DDX31: variants seen among roughly 807,000 people sequenced by gnomAD.
The protein encoded by DDX31 is ATP-dependent DNA helicase DDX31.
Under a neutral mutation model 91.3 loss-of-function variants are expected in DDX31, and 70 were observed. The ratio of observed to expected loss-of-function variants is 0.77; its 90% CI spans 0.63 to 0.94. DDX31 has a LOEUF of 0.94. DDX31 is among the 40% of genes least tolerant of loss of function. The pLI, the probability that DDX31 is intolerant of heterozygous loss-of-function variation, is 0.00. For synonymous variants in DDX31, 362 were observed against 350.6 expected (o/e 1.03, Z -0.36); for missense variants, 902 against 925.0 (o/e 0.98, Z 0.32).
chr9:132,651,805 C>T (rs1250530223), intron 7 of DDX31, among the ~76,000 whole-genome samples: 2 of 152,100 alleles, frequency 1.3e-5, no homozygotes, highest in Non-Finnish European at 2.9e-5. Flanking sequence ...AGCAAGTTTG[C>T]TGCTGTAAAA....
intron 15 of DDX31, among the ~76,000 whole-genome samples, chr9:132,631,469 A>AG (rs1832713607): frequency 1.3e-5 from 2 of 152,286 alleles, no homozygotes; most frequent in South Asian, 4.1e-4. Context: ...TGAATAAACC[A>AG]TGACTCACGT....
intron 8 of DDX31, 113 bp from the exon 9 acceptor site, chr9:132,650,411 A>C: frequency 6.3e-6 from 6 of 953,070 alleles, no homozygotes; most frequent in Non-Finnish European, 1.0e-5. Flanking sequence ...GGTGCTTCTC[A>C]TTGTATAAGG....
chr9:132,659,319 T>C (rs566939523), intron 5 of DDX31, among the ~76,000 whole-genome samples: 8 of 152,244 alleles, frequency 5.3e-5, no homozygotes, highest in African/African-American at 1.4e-4. Context: ...GCAGAAACAG[T>C]GTTCTGTCCT....
chr9:132,646,674 G>A (rs1833858816), intron 12 of DDX31, 149 bp downstream of exon 12: 1 of 686,980 alleles, frequency 1.5e-6, no homozygotes, highest in South Asian at 1.8e-5. Context: ...CTGACTGAAA[G>A]GATGTATATC....
Position 132,647,127 on chromosome 9 carries a change from C to A in DDX31, c.968-69G>T, listed in dbSNP as rs1590068984. 5.7e-6 allele frequency: 8 copies of A among 1,411,636 alleles called. No homozygotes were observed. In the Middle Eastern group the frequency reaches 7.0e-4, roughly 124 times the overall value. 87.4% of individuals were successfully genotyped at this position (1,411,636 alleles called of 1,614,324 possible). A position where few individuals can be genotyped will look rare whatever the true frequency, so the allele number is the denominator to read the frequency against. On this transcript the variant is annotated intron_variant, in intron 11 of 19. Coordinates refer to ENST00000372159, the MANE Select transcript of DDX31 (RefSeq NM_022779.9). ...ATGAAACTGGTCACAAAAGCGTACC[C>A]CCATACAGCACCCACCCATGTATGT...
rs764244904 is a variant in DDX31, at chr9:132,647,071, T to G, written c.968-13A>C. ...AGCCGCGTTACACCTTGGATAAAAG[T>G]AAGAAGGGCAAAGCAGACAACAAAC... On this transcript the variant is annotated splice_polypyrimidine_tract_variant and intron_variant, in intron 11 of 19. Transcript: ENST00000372159. 2 of 731,160 alleles carry G rather than the reference T, an allele frequency of 2.7e-6. No individual in the cohort carries two copies. The highest frequency in any genetic ancestry group is 3.9e-6 in the Non-Finnish European group (2 of 508,478). The allele number at this position is 731,160 out of a possible 1,614,324, so 45.3% of individuals were successfully genotyped here.
intron 14 of DDX31, among the ~76,000 whole-genome samples, chr9:132,639,246 G>A (rs1434610875): frequency 6.6e-6 from 1 of 152,088 alleles, no homozygotes; most frequent in Non-Finnish European, 1.5e-5. Flanking sequence ...CAGGAACACC[G>A]AGAGGAAGCG....
At chr9:132,605,292 C>A (rs746430666) in intron 19 of DDX31, among the ~76,000 whole-genome samples, 17 of 152,156 alleles carry the variant, frequency 1.1e-4, no homozygotes, top group Non-Finnish European at 2.1e-4. Flanking sequence ...GCTGGGCATT[C>A]GGGTTGAGCA....
At chr9:132,609,582 A>C (rs1589976960) in intron 19 of DDX31, among the ~76,000 whole-genome samples, 2 of 152,248 alleles carry the variant, frequency 1.3e-5, no homozygotes, top group East Asian at 3.9e-4. Flanking sequence ...TTGGGATTGC[A>C]TTTATTTTCA....
Position 132,618,334 on chromosome 9 carries a change from CTT to C in DDX31, c.1819_1820del (p.Lys607GlufsTer45). ...HSSERRVSWAKKALQSFIQAY... is the reference protein window; with the variant it reads ...HSSERRVSWAXKALQSFIQAY... ...GCACCTAGGAAATCGACTGACCTTT[CTT>C]TGCCCAGGAGACCCTCCTCTCACTG... is the stretch of plus-strand genomic sequence containing the variant. On this transcript the variant is annotated frameshift_variant, in exon 18 of 20. Coordinates refer to ENST00000372159, the MANE Select transcript of DDX31 (RefSeq NM_022779.9). LOFTEE classifies it high-confidence loss of function. 1.9e-6 allele frequency: 3 copies of C among 1,607,958 alleles called. No homozygotes were observed. The highest frequency in any genetic ancestry group is 2.5e-6 in the Non-Finnish European group (3 of 1,177,404).
At chr9:132,643,102 G>T (rs1454903533) in intron 13 of DDX31, among the ~76,000 whole-genome samples, 1 of 152,186 alleles carries the variant, frequency 6.6e-6, no homozygotes, top group Non-Finnish European at 1.5e-5. Context: ...AGGATTACAG[G>T]CGTGAGCCAC....
At chr9:132,649,102 A>C (rs1564325911) in intron 9 of DDX31, among the ~76,000 whole-genome samples, 1 of 152,106 alleles carries the variant, frequency 6.6e-6, no homozygotes, top group Non-Finnish European at 1.5e-5. Flanking sequence ...TCCAATTTTT[A>C]GCACATTTTT....
Position 132,650,256 on chromosome 9 carries a change from T to C in DDX31, c.718A>G (p.Lys240Glu), listed in dbSNP as rs566020887. ...TACCTGGCCTTTTCTGATTTTCTCT[T>C]CTCTCCTCCCATTAACACTCCAGGC... ...IVPGVLMGGE[K>E]RKSEKARLRK... Residue 240 changes from lysine to glutamate, a missense_variant, in exon 9 of 20, where the codon AAG (lysine) becomes GAG (glutamate). Coordinates refer to ENST00000372159, the MANE Select transcript of DDX31 (RefSeq NM_022779.9). 1 of 1,614,066 alleles carries C rather than the reference T, an allele frequency of 6.2e-7. No homozygotes were observed. Among genetic ancestry groups the C allele is most frequent in the African/African-American group, 1.3e-5 (1 of 74,998 alleles).
Position 132,646,091 on chromosome 9 carries a change from G to A in DDX31, c.1204-20C>T. The A allele has an allele frequency of 6.2e-7, 1 of 1,602,934 alleles. No homozygotes were observed. On this transcript the variant is annotated intron_variant, in intron 12 of 19. Transcript: ENST00000372159. ...CTCAAACTACATCGATACAAAGGGA[G>A]GAAAAACCGACATATTTTAAGATTA...
At chr9:132,666,203 C>T (rs1315025442) in intron 1 of DDX31, among the ~76,000 whole-genome samples, 1 of 152,146 alleles carries the variant, frequency 6.6e-6, no homozygotes, top group East Asian at 1.9e-4. Context: ...AGTGTCATCT[C>T]GGTCATGAAT....
chr9:132,646,140 TCTAAA>T, intron 12 of DDX31, 69 bp from the exon 13 acceptor site: 4 of 1,508,000 alleles, frequency 2.7e-6, no homozygotes, highest in Non-Finnish European at 3.6e-6. Flanking sequence ...CGAATATTTC[TCTAAA>T]CTATACAGTC....
In DDX31 at chr9:132,669,948, G is replaced by T; in HGVS notation, c.-14C>A. On this transcript the variant is annotated 5_prime_UTR_variant, in exon 1 of 20. Transcript: ENST00000372159. ...GGCGGCTGCCATGGTCTGCGTGGGT[G>T]ACGCGTGGTGCAGCAGCGAGCCCGG... 6.3e-7 allele frequency: 1 copy of T among 1,586,620 alleles called. No homozygotes were observed. The highest frequency in any genetic ancestry group is 8.6e-7 in the Non-Finnish European group (1 of 1,167,422).
chr9:132,600,880 G>A (rs1830687948), intron 19 of DDX31, among the ~76,000 whole-genome samples: 2 of 152,182 alleles, frequency 1.3e-5, no homozygotes, highest in Non-Finnish European at 2.9e-5. Flanking sequence ...TCGTTTCCCG[G>A]TACATCAGAA....
intron 16 of DDX31, 115 bp downstream of exon 16, chr9:132,630,149 G>T: frequency 8.4e-7 from 1 of 1,196,744 alleles, no homozygotes. Flanking sequence ...GACTCATTTA[G>T]GGATCACAAG....
Sources: gnomAD v4.1 joint callset for allele counts (sites outside exome capture counted in the v4.1 genomes callset) on GRCh38, gnomAD v4.1.1 for gene constraint, MANE v1.5 for transcripts, NCBI Gene and HGNC (gene_info 2026-07-23, HGNC 2026-07-21) for gene names.